The following TMEM255A variants were observed in gnomAD, a reference collection of about 807,000 sequenced individuals.
The protein encoded by TMEM255A is family with sequence similarity 70, member A.
A neutral mutation model predicts 23.5 loss-of-function variants in TMEM255A; 14 were observed. The ratio of observed to expected loss-of-function variants is 0.60; its 90% confidence interval spans 0.39 to 0.93. TMEM255A has a LOEUF of 0.93. Among genes scored for constraint, TMEM255A ranks in the 40% least tolerant of loss-of-function variants. The pLI is 0.00. For missense variants in TMEM255A, 233 were observed against 261.7 expected, an observed-to-expected ratio of 0.89 and a Z score of 0.76; for synonymous variants, 104 against 100.3, an observed-to-expected ratio of 1.04 and a Z score of -0.22.
At chrX:120,303,717 A>G (rs5957352) in intron 2 of TMEM255A, among the ~76,000 whole-genome samples, 3,277 of 109,992 alleles carry the variant, frequency 0.03, 138 homozygotes, top group African/African-American at 0.1. Flanking sequence ...TTTAATGACA[A>G]GCTTCACACT....
rs2057673741 is a variant in TMEM255A, at chrX:120,260,871, T to C, written c.977A>G (p.Ter326=). 2.5e-6 allele frequency: 3 copies of C among 1,204,275 alleles called. No homozygotes were observed. The highest frequency in any genetic ancestry group is 3.4e-6 in the Non-Finnish European group (3 of 892,865). ...TCAATAGCCAGCAGGCATTCCTCTT[T>C]AGGGACTGTAAGGTGGTGGCTTTTC... is the stretch of plus-strand genomic sequence containing the variant. The part of the protein sequence containing the change: ...PFEKPPPYSP[*] The change falls in exon 9 of 9, where the codon TAA becomes TGA. Residue 326 remains the stop codon, a stop_retained_variant. Transcript: ENST00000371369.
chrX:120,276,607 G>T (rs1310977790), intron 7 of TMEM255A, among the ~76,000 whole-genome samples: 4 of 111,533 alleles, frequency 3.6e-5, no homozygotes, highest in Non-Finnish European at 7.5e-5. Flanking sequence ...TAACCAGTGC[G>T]AATGGGGGAA....
chrX:120,297,007 AATATTATATATATTATATAT>A (rs2057990560), intron 2 of TMEM255A, among the ~76,000 whole-genome samples: 2 of 4,270 alleles, frequency 4.7e-4, no homozygotes, highest in African/African-American at 2.6e-3. Flanking sequence ...TATAATATAT[AATATTATATATATTATATAT>A]ATATAATATA....
chrX:120,267,643 G>A (rs1569332262), intron 8 of TMEM255A, among the ~76,000 whole-genome samples: 1 of 112,260 alleles, frequency 8.9e-6, no homozygotes. Flanking sequence ...AGGAAAAGGG[G>A]AAAGTGCAAA....
At chrX:120,303,852 ATATAATT>A (rs1477788214) in intron 2 of TMEM255A, among the ~76,000 whole-genome samples, 2 of 111,803 alleles carry the variant, frequency 1.8e-5, no homozygotes, top group African/African-American at 6.5e-5. Context: ...ACATGTATAT[ATATAATT>A]TATAAGTGAA....
chrX:120,305,575 A>G (rs2058059018), intron 1 of TMEM255A, among the ~76,000 whole-genome samples: 2 of 110,398 alleles, frequency 1.8e-5, no homozygotes, highest in African/African-American at 6.6e-5. Flanking sequence ...AGATCACTTG[A>G]GTCTGTCCAT....
Position 120,311,409 on chromosome X carries a change from GTCCTT to G in TMEM255A, c.-105_-101del. Reference sequence around the variant, plus strand: ...TCCTACTCCGCGGTTGCCTCTCTCGGTCCTTCCGAGAGCTGAGAGACACTGCCTCT... The same window carrying G: ...TCCTACTCCGCGGTTGCCTCTCTCGGCCGAGAGCTGAGAGACACTGCCTCT... On this transcript the variant is annotated 5_prime_UTR_variant, in exon 1 of 9. Coordinates refer to ENST00000371369, the MANE Select transcript of TMEM255A (RefSeq NM_001104544.3). 5.8e-6 allele frequency: 4 copies of G among 686,632 alleles called. No homozygotes were observed. Among genetic ancestry groups the G allele is most frequent in the Non-Finnish European group, 9.1e-6 (4 of 437,230 alleles). The allele number at this position is 686,632 out of a possible 1,213,427, so 56.6% of individuals were successfully genotyped here.
At chrX:120,269,177 T>C (rs1197099081) in intron 7 of TMEM255A, among the ~76,000 whole-genome samples, 2 of 110,794 alleles carry the variant, frequency 1.8e-5, no homozygotes, top group African/African-American at 6.6e-5. Context: ...TTTATATCCT[T>C]TTCACAACAT....
Position 120,259,893 on chromosome X carries a change from G to A in TMEM255A, c.*977C>T, listed in dbSNP as rs1405982040. 8.9e-6 allele frequency: 1 copy of A among 112,658 alleles called. No individual in the cohort carries two copies. The highest frequency in any genetic ancestry group is 1.9e-5 in the Non-Finnish European group (1 of 53,987). The allele number at this position is 112,658 out of a possible 1,213,427, so 9.3% of individuals were successfully genotyped here. ...ACTGGTCTCAACAGACAAAAGGACC[G>A]ATAAGACCAGTGGCATTAAAATACA... On this transcript the variant is annotated 3_prime_UTR_variant, in exon 9 of 9. Transcript: ENST00000371369.
intron 1 of TMEM255A, among the ~76,000 whole-genome samples, chrX:120,310,407 C>A (rs1463609552): frequency 9.0e-6 from 1 of 110,516 alleles, no homozygotes; most frequent in Admixed American, 9.5e-5. Context: ...AGGTAGCTGT[C>A]CCCCAGTTTC....
At chrX:120,254,579 C>T, downstream of TMEM255A, 6 of 1,211,215 alleles carry the variant, frequency 5.0e-6, no homozygotes, top group Non-Finnish European at 6.7e-6. Flanking sequence ...TTTCCAATTC[C>T]TTAAAAATTT....
intron 8 of TMEM255A, among the ~76,000 whole-genome samples, chrX:120,262,290 G>C (rs782757110): frequency 9.0e-6 from 1 of 111,051 alleles, no homozygotes; most frequent in Non-Finnish European, 1.9e-5. Context: ...ACTCCGTCTC[G>C]AAAATAAATA....
chrX:120,264,757 C>T (rs1198058502), intron 8 of TMEM255A, among the ~76,000 whole-genome samples: 2 of 110,003 alleles, frequency 1.8e-5, no homozygotes, highest in Admixed American at 9.8e-5. Context: ...TGAGGGAGCT[C>T]TGGCCTTTTG....
At chrX:120,251,837 G>A in the TMEM255A span, among the ~76,000 whole-genome samples, 1 of 112,234 alleles carries the variant, frequency 8.9e-6, no homozygotes, top group East Asian at 2.8e-4. Context: ...AAACGAAACC[G>A]AGTCCCAGTG....
At chrX:120,297,087 AATAT>A (rs72292985) in intron 2 of TMEM255A, among the ~76,000 whole-genome samples, 1 of 8,464 alleles carries the variant, frequency 1.2e-4, no homozygotes, top group Non-Finnish European at 1.4e-4. Context: ...ATTATATTAT[AATAT>A]ATATAATATT....
In TMEM255A at chrX:120,304,428, A is replaced by G; in HGVS notation, c.122T>C (p.Val41Ala). ...YVTVTLLIVS[V>A]LILTVGLAAT... Reference sequence around the variant, plus strand: ...AGCAAGGCCCACTGTGAGAATTAACACGGACACAATAAGCAAAGTCACGGT... The same window carrying G: ...AGCAAGGCCCACTGTGAGAATTAACGCGGACACAATAAGCAAAGTCACGGT... Residue 41 changes from valine to alanine, a missense_variant, in exon 2 of 9, where the codon GTG becomes GCG. Physicochemically the swap from Val to Ala is moderately conservative, Grantham distance 64. Transcript: ENST00000371369. 8.3e-7 allele frequency: 1 copy of G among 1,210,721 alleles called. No individual in the cohort carries two copies. Among genetic ancestry groups the G allele is most frequent in the Non-Finnish European group, 1.1e-6 (1 of 894,594 alleles).
chrX:120,278,118 C>T (rs782283896), intron 6 of TMEM255A, among the ~76,000 whole-genome samples: 183 of 98,246 alleles, frequency 1.9e-3, no homozygotes, highest in African/African-American at 6.4e-3. Flanking sequence ...CCCTACTCCA[C>T]GCCCCTCCCC....
chrX:120,293,345 G>GC (rs2057930080), intron 3 of TMEM255A, among the ~76,000 whole-genome samples: 1 of 113,137 alleles, frequency 8.8e-6, no homozygotes, highest in Non-Finnish European at 1.9e-5. Flanking sequence ...ATAACAGCTT[G>GC]CCCTTGTGGG....
chrX:120,305,736 G>A (rs781788330), intron 1 of TMEM255A, among the ~76,000 whole-genome samples: 1 of 111,272 alleles, frequency 9.0e-6, no homozygotes, highest in South Asian at 3.8e-4. Context: ...AGGAAACGAA[G>A]CGAGACCCAG....
Sources: gnomAD v4.1 joint callset for allele counts (sites outside exome capture counted in the v4.1 genomes callset) on GRCh38, gnomAD v4.1.1 for gene constraint, MANE v1.5 for transcripts, NCBI Gene and HGNC (gene_info 2026-07-23, HGNC 2026-07-21) for gene names.